GOLM2: variants seen among roughly 807,000 people sequenced by gnomAD.
GOLM2 encodes golgi membrane protein 2, also known as protein GOLM2.
GOLM2 carries 26 observed loss-of-function variants against 55.9 expected under a neutral mutation model. The observed-to-expected ratio is 0.47, with a 90% confidence interval of 0.34 to 0.65. GOLM2 has a LOEUF of 0.65. Among genes scored for constraint, GOLM2 ranks in the 30% least tolerant of loss-of-function variants. The pLI, the probability that GOLM2 is intolerant of heterozygous loss-of-function variation, is 0.01. For missense variants in GOLM2, 486 were observed against 531.8 expected, an observed-to-expected ratio of 0.91 and a Z score of 0.85; for synonymous variants, 165 against 194.6, an observed-to-expected ratio of 0.85 and a Z score of 1.27.
chr15:44,413,620 T>C lies in GOLM2; in HGVS notation c.*214T>C, dbSNP rs909069347. The C allele has an allele frequency of 4.6e-6, 2 of 435,348 alleles. No individual in the cohort carries two copies. Among genetic ancestry groups the C allele is most frequent in the African/African-American group, 4.1e-5 (2 of 48,912 alleles). The allele number at this position is 435,348 out of a possible 1,614,324, so 27.0% of individuals were successfully genotyped here. On this transcript the variant is annotated 3_prime_UTR_variant, in exon 10 of 10. Transcript: ENST00000299957. ...AAGGTATAGACTTTTTTGGTTATGA[T>C]ACAGTTAAGCCAAAAACAGCTAATC...
At position 44,329,812 on chromosome 15, in the gene GOLM2, G is replaced by A. The variant is rs182137737; in HGVS notation, c.485+1025G>A. 4.7e-4 allele frequency among the ~76,000 whole-genome samples: 72 copies of A among 151,938 alleles called. No individual in the cohort carries two copies. In the East Asian group the frequency reaches 0.013, roughly 28 times the overall value. ...AGCTGCTTGGGAGGCTGAGGTGGGAGGATTGCTTGAGTCCAGGAGATTGAG... is the reference window on the plus strand; with the variant it reads ...AGCTGCTTGGGAGGCTGAGGTGGGAAGATTGCTTGAGTCCAGGAGATTGAG... On this transcript the variant is annotated intron_variant, in intron 3 of 9. Transcript: ENST00000299957.
intron 1 of GOLM2, among the ~76,000 whole-genome samples, chr15:44,294,180 C>G (rs1042175332): frequency 1.3e-5 from 2 of 152,158 alleles, no homozygotes; most frequent in Non-Finnish European, 2.9e-5. Flanking sequence ...CTTTTTGGTA[C>G]TTTTAGATGC....
At chr15:44,363,128 C>T (rs1225703657) in intron 6 of GOLM2, among the ~76,000 whole-genome samples, 3 of 152,230 alleles carry the variant, frequency 2.0e-5, no homozygotes, top group Admixed American at 6.5e-5. Context: ...AGGACATAGG[C>T]ACGGGCAAGG....
At chr15:44,411,755 G>A (rs1191166778) in intron 9 of GOLM2, among the ~76,000 whole-genome samples, 1 of 151,020 alleles carries the variant, frequency 6.6e-6, no homozygotes, top group African/African-American at 2.4e-5. Flanking sequence ...CTTGAACCCA[G>A]GAGACAGAGG....
At chr15:44,318,537 T>C (rs1181584758) in intron 1 of GOLM2, among the ~76,000 whole-genome samples, 1 of 152,132 alleles carries the variant, frequency 6.6e-6, no homozygotes, top group Non-Finnish European at 1.5e-5. Flanking sequence ...GGTGAAACCC[T>C]GTCTCTACTA....
chr15:44,295,910 C>CCACACACACACACACACACACA (rs2078752898), intron 1 of GOLM2, among the ~76,000 whole-genome samples: 2 of 137,270 alleles, frequency 1.5e-5, no homozygotes, highest in African/African-American at 6.7e-5. Context: ...GGGAGATCCA[C>CCACACACACACACACACACACA]CACACATACA....
chr15:44,293,163 C>T (rs1685940692), intron 1 of GOLM2, among the ~76,000 whole-genome samples: 1 of 151,804 alleles, frequency 6.6e-6, no homozygotes, highest in Admixed American at 6.6e-5. Flanking sequence ...GAAAACTAAA[C>T]AAGTGATCCT....
In GOLM2 at chr15:44,413,684, A is replaced by G. The variant is rs558128522; in HGVS notation, c.*278A>G. ...CAAACTAATGTATATTTCACATTTT[A>G]TTGAGCCGACTTATTTCCACAAATA... is the stretch of plus-strand genomic sequence containing the variant. On this transcript the variant is annotated 3_prime_UTR_variant, in exon 10 of 10. Transcript: ENST00000299957. 334 of 298,608 alleles carry G rather than the reference A, an allele frequency of 1.1e-3. No individual in the cohort carries two copies. The highest frequency in any genetic ancestry group is 1.8e-3 in the Non-Finnish European group (284 of 161,100). The allele number at this position is 298,608 out of a possible 1,614,324, so 18.5% of individuals were successfully genotyped here.
chr15:44,358,698 A>T (rs2079214144), intron 6 of GOLM2, among the ~76,000 whole-genome samples: 1 of 152,226 alleles, frequency 6.6e-6, no homozygotes, highest in Non-Finnish European at 1.5e-5. Context: ...CACAAAAATT[A>T]ACTCAAAATA....
intron 3 of GOLM2, among the ~76,000 whole-genome samples, chr15:44,330,380 G>A (rs1270977189): frequency 3.3e-5 from 5 of 151,366 alleles, no homozygotes; most frequent in Non-Finnish European, 5.9e-5. Flanking sequence ...TGGGCCTGAT[G>A]GTGCATGCCT....
At chr15:44,302,192 T>TA (rs2078803477) in intron 1 of GOLM2, among the ~76,000 whole-genome samples, 1 of 151,508 alleles carries the variant, frequency 6.6e-6, no homozygotes, top group South Asian at 2.1e-4. Flanking sequence ...TTGCCCAGGC[T>TA]GGAGTGCAGT....
rs778406565 is a variant in GOLM2 at position 44,368,123 on chromosome 15, A to G, written c.803-11567A>G. Among the ~76,000 whole-genome samples, 203 of 151,718 alleles carry G rather than the reference A, an allele frequency of 1.3e-3. 1 individual carries two copies. Among genetic ancestry groups the G allele is most frequent in the African/African-American group, 4.7e-3 (196 of 41,390 alleles). ...TTAATCCTTCTAGGACTCAAGTTTC[A>G]TACATTTTTAAAATTTATTTATTTA... On this transcript the variant is annotated intron_variant, in intron 6 of 9. Transcript: ENST00000299957.
intron 8 of GOLM2, among the ~76,000 whole-genome samples, chr15:44,388,824 T>TC (rs2079467026): frequency 6.6e-6 from 1 of 151,992 alleles, no homozygotes; most frequent in African/African-American, 2.4e-5. Flanking sequence ...AAAATTCATT[T>TC]TTTTTTTTTT....
chr15:44,391,031 T>G (rs1331395840), intron 8 of GOLM2, among the ~76,000 whole-genome samples: 1 of 152,214 alleles, frequency 6.6e-6, no homozygotes, highest in African/African-American at 2.4e-5. Flanking sequence ...GTTACCTAAA[T>G]TGGCTCATGA....
intron 8 of GOLM2, among the ~76,000 whole-genome samples, chr15:44,395,156 G>T (rs1350268874): frequency 1.3e-5 from 2 of 149,114 alleles, no homozygotes; most frequent in African/African-American, 4.9e-5. Flanking sequence ...GACTACAGGC[G>T]CCCGCCACCA....
At chr15:44,397,109 G>A (rs1169387762) in intron 8 of GOLM2, among the ~76,000 whole-genome samples, 2 of 151,980 alleles carry the variant, frequency 1.3e-5, no homozygotes, top group Non-Finnish European at 2.9e-5. Flanking sequence ...GTTTTGTTAC[G>A]GAGCAGCAGA....
At chr15:44,336,772 C>T (rs1348442359) in intron 4 of GOLM2, among the ~76,000 whole-genome samples, 5 of 151,762 alleles carry the variant, frequency 3.3e-5, no homozygotes, top group African/African-American at 4.8e-5. Flanking sequence ...AAAAATTAGC[C>T]GGGTGTGGTG....
At chr15:44,412,741 G>A (rs934372180) in intron 9 of GOLM2, among the ~76,000 whole-genome samples, 13 of 152,198 alleles carry the variant, frequency 8.5e-5, no homozygotes, top group African/African-American at 1.7e-4. Flanking sequence ...TGTGGCTCAC[G>A]CCTGTAATCC....
intron 8 of GOLM2, among the ~76,000 whole-genome samples, chr15:44,383,675 CTTTTTTTTT>C (rs761209421): frequency 7.9e-6 from 1 of 125,904 alleles, no homozygotes; most frequent in Non-Finnish European, 1.7e-5. Context: ...TTCTTTTTTT[CTTTTTTTTT>C]TTTTTTTTTG....
Sources: allele counts gnomAD v4.1 joint callset (sites outside exome capture counted in the v4.1 genomes callset), GRCh38; gene constraint gnomAD v4.1.1; transcripts MANE v1.5; gene names NCBI Gene and HGNC (gene_info 2026-07-23, HGNC 2026-07-21).